The following MYRFL variants were observed in gnomAD, a reference collection of about 807,000 sequenced individuals.
MYRFL encodes the protein myelin regulatory factor-like protein.
A neutral mutation model predicts 109.4 loss-of-function variants in MYRFL; 88 were observed. That is an observed-to-expected ratio of 0.80 (90% CI 0.68 to 0.96). The LOEUF (loss-of-function observed/expected upper bound fraction) is 0.96, where lower values mean the gene tolerates loss of function less well. Ranked by LOEUF, MYRFL falls within the 40% of genes least tolerant of loss-of-function variation. MYRFL has a pLI of 0.00. For synonymous variants in MYRFL, 324 were observed against 320.9 expected, an observed-to-expected ratio of 1.01 and a Z score of -0.10; for missense variants, 957 against 954.9, an observed-to-expected ratio of 1.00 and a Z score of -0.03.
intron 19 of MYRFL, among the ~76,000 whole-genome samples, chr12:69,938,691 A>G (rs1955541613): frequency 6.6e-6 from 1 of 152,166 alleles, no homozygotes; most frequent in Non-Finnish European, 1.5e-5. Flanking sequence ...CTTATAAAAT[A>G]AAGATATAGG....
intron 1 of MYRFL, among the ~76,000 whole-genome samples, chr12:69,839,349 C>T (rs1003847681): frequency 6.6e-6 from 1 of 152,064 alleles, no homozygotes; most frequent in East Asian, 1.9e-4. Flanking sequence ...TCTTTGCAAC[C>T]CCTTCTACTA....
At chr12:69,853,613 C>CTGCAATCTCG (rs1884056004) in intron 1 of MYRFL, among the ~76,000 whole-genome samples, 1 of 144,900 alleles carries the variant, frequency 6.9e-6, no homozygotes, top group African/African-American at 2.6e-5. Context: ...TGGGAAGAGG[C>CTGCAATCTCG]GCTCCTCACT....
chr12:69,945,819 C>T (rs1337855259), intron 19 of MYRFL, among the ~76,000 whole-genome samples: 1 of 149,898 alleles, frequency 6.7e-6, no homozygotes, highest in Non-Finnish European at 1.5e-5. Flanking sequence ...AACCCCGTCT[C>T]TACTAAAAAT....
In MYRFL at chr12:69,903,679, T is replaced by C. The variant is rs1165584735; in HGVS notation, c.1218T>C (p.Asp406=). Reference sequence around the variant, plus strand: ...CTGGGCAGTTTGAAAATGACAGTGATGCATTGTGGCAGCGAGGACAAGTTC... The same window carrying C: ...CTGGGCAGTTTGAAAATGACAGTGACGCATTGTGGCAGCGAGGACAAGTTC... ...SNPGQFENDS[D]ALWQRGQVPE... The change falls in exon 11 of 25, where the codon GAT becomes GAC. Residue 406 remains aspartate, a synonymous_variant. Transcript: ENST00000552032. The C allele has an allele frequency of 2.6e-6, 4 of 1,535,922 alleles. No homozygotes were observed. The African/African-American group carries it at 5.5e-5, about 21-fold the overall frequency.
intron 15 of MYRFL, among the ~76,000 whole-genome samples, chr12:69,930,786 T>G (rs569688876): frequency 1.3e-5 from 2 of 149,300 alleles, no homozygotes; most frequent in Non-Finnish European, 3.0e-5. Context: ...CACTCCAGCA[T>G]TGGTGACAAA....
chr12:69,925,290 G>A (rs1955041172), intron 13 of MYRFL, among the ~76,000 whole-genome samples: 1 of 152,198 alleles, frequency 6.6e-6, no homozygotes, highest in Non-Finnish European at 1.5e-5. Context: ...GAGTTTCAGA[G>A]AGTTCTCCAG....
intron 19 of MYRFL, among the ~76,000 whole-genome samples, chr12:69,943,632 T>G (rs1207572639): frequency 6.6e-6 from 1 of 150,968 alleles, no homozygotes; most frequent in Non-Finnish European, 1.5e-5. Context: ...GGCAAGGACT[T>G]CATGTCTAAA....
At chr12:69,952,913 G>A in intron 21 of MYRFL, 27 bp downstream of exon 21, 1 of 1,464,798 alleles carries the variant, frequency 6.8e-7, no homozygotes, top group Non-Finnish European at 9.2e-7. Flanking sequence ...AGCATGCCCT[G>A]GTTGTTTCTG....
chr12:69,920,159 C>T (rs1431377947), intron 13 of MYRFL, among the ~76,000 whole-genome samples: 1 of 152,114 alleles, frequency 6.6e-6, no homozygotes, highest in Admixed American at 6.5e-5. Flanking sequence ...GAGCCAATCT[C>T]CTCGCAAAGA....
chr12:69,865,395 G>T (rs1884957659), intron 2 of MYRFL, among the ~76,000 whole-genome samples: 1 of 152,172 alleles, frequency 6.6e-6, no homozygotes. Context: ...ATGAGGTAGG[G>T]TCTCTTTGGA....
intron 19 of MYRFL, among the ~76,000 whole-genome samples, chr12:69,938,716 C>T (rs763558727): frequency 1.1e-4 from 16 of 152,298 alleles, no homozygotes; most frequent in South Asian, 2.1e-4. Flanking sequence ...GGAACAGCTC[C>T]GGTCTACAGC....
At chr12:69,940,216 T>A (rs1955600876) in intron 19 of MYRFL, among the ~76,000 whole-genome samples, 1 of 151,598 alleles carries the variant, frequency 6.6e-6, no homozygotes, top group Non-Finnish European at 1.5e-5. Context: ...ACAAAGATAC[T>A]CCTCGAGAAG....
Position 69,825,274 on chromosome 12 carries a change from T to G in MYRFL, c.-244T>G, listed in dbSNP as rs779594042. The G allele has an allele frequency of 3.0e-6, 2 of 667,098 alleles. No homozygotes were observed. The highest frequency in any genetic ancestry group is 2.7e-6 in the Non-Finnish European group (1 of 367,980). 41.3% of individuals were successfully genotyped at this position (667,098 alleles called of 1,614,324 possible). On this transcript the variant is annotated 5_prime_UTR_variant, in exon 1 of 25. Transcript: ENST00000552032. Reference sequence around the variant, plus strand: ...TTAAGACAGATGAATTTGCTACCTCTTCCCTCTTCATGAATTTTTTTTAAA... The same window carrying G: ...TTAAGACAGATGAATTTGCTACCTCGTCCCTCTTCATGAATTTTTTTTAAA...
At chr12:69,874,398 A>C (rs1202461737) in intron 2 of MYRFL, among the ~76,000 whole-genome samples, 3 of 152,158 alleles carry the variant, frequency 2.0e-5, no homozygotes. Context: ...GGCTAGTCTT[A>C]AGCTCCTGGT....
intron 4 of MYRFL, 83 bp downstream of exon 4, chr12:69,879,536 T>C: frequency 1.6e-6 from 1 of 633,308 alleles, no homozygotes; most frequent in Non-Finnish European, 2.8e-6. Flanking sequence ...CTAGAGAGAA[T>C]GCACAGTGGA....
intron 2 of MYRFL, among the ~76,000 whole-genome samples, chr12:69,868,931 TAC>T (rs1037357581): frequency 1.8e-4 from 27 of 151,432 alleles, no homozygotes; most frequent in African/African-American, 5.6e-4. Context: ...TACTCACACG[TAC>T]ACACAGATAT....
At chr12:69,955,773 C>T (rs2120561133) in intron 22 of MYRFL, among the ~76,000 whole-genome samples, 1 of 151,964 alleles carries the variant, frequency 6.6e-6, no homozygotes, top group South Asian at 2.1e-4. Flanking sequence ...TAATAACATG[C>T]CCCCCGATGG....
chr12:69,837,931 C>T (rs1338810192), intron 1 of MYRFL, among the ~76,000 whole-genome samples: 3 of 152,156 alleles, frequency 2.0e-5, no homozygotes, highest in Non-Finnish European at 2.9e-5. Flanking sequence ...GCCTCTGCAC[C>T]TAGGGACTGG....
intron 13 of MYRFL, among the ~76,000 whole-genome samples, 156 bp downstream of exon 13, chr12:69,911,086 T>C (rs987366694): frequency 2.6e-5 from 4 of 152,220 alleles, no homozygotes; most frequent in Non-Finnish European, 5.9e-5. Flanking sequence ...AACTCTCTTA[T>C]AATTGATATT....
Sources: gnomAD v4.1 joint callset for allele counts (sites outside exome capture counted in the v4.1 genomes callset) on GRCh38, gnomAD v4.1.1 for gene constraint, MANE v1.5 for transcripts, NCBI Gene and HGNC (gene_info 2026-07-23, HGNC 2026-07-21) for gene names.